Variants in CTU2 observed in about 807,000 individuals in gnomAD.
CTU2 encodes cytosolic thiouridylase subunit 2.
Under a neutral mutation model 64.1 loss-of-function variants are expected in CTU2, and 80 were observed. The observed-to-expected ratio is 1.25, with a 90% CI of 1.04 to 1.50. The LOEUF (loss-of-function observed/expected upper bound fraction) is 1.50, where lower values mean the gene tolerates loss of function less well. CTU2 is among the 40% of genes most tolerant of loss of function. CTU2 has a pLI of 0.00. For synonymous variants in CTU2, 482 were observed against 285.3 expected (o/e 1.69, Z -6.95); for missense variants, 1,110 against 690.2 (o/e 1.61, Z -6.81).
intron 5 of CTU2, 112 bp downstream of exon 5, chr16:88,711,807 T>C (rs1431338204): frequency 7.8e-6 from 8 of 1,022,318 alleles, no homozygotes; most frequent in Non-Finnish European, 1.0e-5. Context: ...TGGTAGGATG[T>C]GTTGAGCTAC....
chr16:88,714,486 G>C lies in CTU2; in HGVS notation c.1201G>C (p.Asp401His). The change falls in exon 11 of 15, where the codon GAC (aspartate) becomes CAC (histidine). Residue 401 changes from aspartate to histidine, a missense_variant and splice_region_variant. By Grantham distance (81) the Asp-to-His change is moderately conservative (BLOSUM62 -1). Transcript: ENST00000453996. ...CMCALDVDAA[D>H]SATAFGAQTS... ...GTGTGCCCTGGACGTCGACGCCGCTGGTCTGTGTTTCATGCTCTTGGGGTG... is the reference window on the plus strand; with the variant it reads ...GTGTGCCCTGGACGTCGACGCCGCTCGTCTGTGTTTCATGCTCTTGGGGTG... The C allele has an allele frequency of 6.2e-7, 1 of 1,612,664 alleles. No homozygotes were observed.
In CTU2 at chr16:88,710,397, C is replaced by T. The variant is rs149072520; in HGVS notation, c.282+115C>T. 9,641 of 1,048,388 alleles carry T rather than the reference C, an allele frequency of 9.2e-3. 81 individuals carry two copies. Among genetic ancestry groups the T allele is most frequent in the African/African-American group, 0.031 (1,981 of 63,170 alleles). 64.9% of individuals were successfully genotyped at this position (1,048,388 alleles called of 1,614,324 possible). A position where few individuals can be genotyped will look rare whatever the true frequency, so the allele number is the denominator to read the frequency against. On this transcript the variant is annotated intron_variant, in intron 4 of 14. Transcript: ENST00000453996. ...TGGGGCTAGAGAGCAGTCCACCCTG[C>T]GGCCTGGACACTTGGGGGGTTCTCA...
At chr16:88,707,111 C>G (rs766233114) in intron 1 of CTU2, 25 bp from the exon 2 acceptor site, 1 of 1,610,938 alleles carries the variant, frequency 6.2e-7, no homozygotes, top group South Asian at 1.1e-5. Flanking sequence ...GTGTTTCTCT[C>G]TTCTCCCCCC....
At chr16:88,710,129 T>G (rs2142713005) in intron 3 of CTU2, 94 bp from the exon 4 acceptor site, 1 of 1,582,850 alleles carries the variant, frequency 6.3e-7, no homozygotes, top group Non-Finnish European at 8.7e-7. Context: ...TCCTTGGCCT[T>G]TGAGGACAGA....
chr16:88,714,454 TCTGCATGTGTGCCCTGGACGTCGACGCCG>T lies in CTU2; in HGVS notation c.1173_1201del (p.Cys391Ter), dbSNP rs1911706879. On this transcript the variant is annotated frameshift_variant, in exon 11 of 15. Transcript: ENST00000453996. LOFTEE classifies it high-confidence loss of function. ...GGCGACTCCGGCCCCCGCTGCCTCCTCTGCATGTGTGCCCTGGACGTCGACGCCGCTGGTCTGTGTTTCATGCTCTTGGG... is the reference window on the plus strand; with the variant it reads ...GGCGACTCCGGCCCCCGCTGCCTCCTCTGGTCTGTGTTTCATGCTCTTGGG... 6.2e-7 allele frequency: 1 copy of T among 1,612,464 alleles called. No homozygotes were observed. The highest frequency in any genetic ancestry group is 1.3e-5 in the African/African-American group (1 of 74,906).
chr16:88,711,766 T>C (rs1196194791), intron 5 of CTU2, 71 bp downstream of exon 5: 6 of 1,421,020 alleles, frequency 4.2e-6, no homozygotes, highest in African/African-American at 1.4e-5. Context: ...CCCTCTGGTG[T>C]GGACCCTCCC....
intron 2 of CTU2, chr16:88,709,600 C>T (rs1433021911): frequency 1.3e-5 from 4 of 316,936 alleles, no homozygotes; most frequent in East Asian, 7.0e-5. Flanking sequence ...TTGCCCTGTA[C>T]GTGCCTAAGT....
In CTU2 at chr16:88,715,345, G is replaced by T; in HGVS notation, c.*94G>T. ...AAGGACGGGGGACTGGCCTCTGATTGTCCATTTGTATAAATAAAACATTTT... is the reference window on the plus strand; with the variant it reads ...AAGGACGGGGGACTGGCCTCTGATTTTCCATTTGTATAAATAAAACATTTT... On this transcript the variant is annotated 3_prime_UTR_variant, in exon 15 of 15. Coordinates refer to ENST00000453996, the MANE Select transcript of CTU2 (RefSeq NM_001012759.3). The T allele has an allele frequency of 1.5e-6, 2 of 1,308,524 alleles. No homozygotes were observed. Among genetic ancestry groups the T allele is most frequent in the Non-Finnish European group, 2.1e-6 (2 of 954,084 alleles). 81.1% of individuals were successfully genotyped at this position (1,308,524 alleles called of 1,614,324 possible). A position where few individuals can be genotyped will look rare whatever the true frequency, so the allele number is the denominator to read the frequency against.
intron 1 of CTU2, 104 bp downstream of exon 1, chr16:88,706,702 G>C: frequency 1.2e-6 from 1 of 836,202 alleles, no homozygotes; most frequent in South Asian, 2.5e-5. Context: ...CCCGCGTGGA[G>C]AGCGGGACCT....
At chr16:88,711,307 G>A (rs1339755826) in intron 4 of CTU2, among the ~76,000 whole-genome samples, 2 of 152,130 alleles carry the variant, frequency 1.3e-5, no homozygotes, top group African/African-American at 4.8e-5. Flanking sequence ...GGTCAGAAGC[G>A]TGTGGGATGG....
chr16:88,713,851 C>G (rs991258216), intron 9 of CTU2, 73 bp downstream of exon 9: 159 of 1,586,418 alleles, frequency 1.0e-4, no homozygotes, highest in Non-Finnish European at 1.4e-4. Context: ...GGCAGCCTCT[C>G]ACAGGCTCAG....
chr16:88,710,330 G>C, intron 4 of CTU2, 48 bp downstream of exon 4: 1 of 1,600,756 alleles, frequency 6.2e-7, no homozygotes, highest in Non-Finnish European at 8.6e-7. Context: ...CTGAGCTTCA[G>C]GCTGGGGGCC....
intron 13 of CTU2, 29 bp from the exon 14 acceptor site, chr16:88,715,019 T>C: frequency 6.3e-7 from 1 of 1,581,952 alleles, no homozygotes; most frequent in Non-Finnish European, 8.6e-7. Context: ...GCAGGTTTCT[T>C]GGCCCCTCGA....
chr16:88,707,043 G>C (rs1305736637), intron 1 of CTU2, 93 bp from the exon 2 acceptor site: 1 of 1,297,364 alleles, frequency 7.7e-7, no homozygotes, highest in Middle Eastern at 1.8e-4. Context: ...ACCCAACTCA[G>C]GGTGAGAAAC....
chr16:88,710,504 A>C (rs1452548242), intron 4 of CTU2: 1 of 562,086 alleles, frequency 1.8e-6, no homozygotes, highest in Non-Finnish European at 3.2e-6. Flanking sequence ...TGTTTACAGC[A>C]GGTGCACAAA....
chr16:88,713,446 C>T lies in CTU2; in HGVS notation c.872C>T (p.Thr291Met), dbSNP rs138600785. 2.3e-5 allele frequency: 36 copies of T among 1,576,284 alleles called. No homozygotes were observed. The highest frequency in any genetic ancestry group is 1.0e-4 in the Admixed American group (5 of 48,908). Residue 291 changes from threonine to methionine, a missense_variant and splice_region_variant, in exon 8 of 15, where the codon ACG becomes ATG. Coordinates refer to ENST00000453996, the MANE Select transcript of CTU2 (RefSeq NM_001012759.3). ...CGAGGGGCCTTCCTGGCCTGGGATA[C>T]GGTAGGCAGGGGCCTGGGTGTTCAG... ...LGRGAFLAWD[T>M]GFSDERHGDV...
At position 88,714,722 on chromosome 16, in the gene CTU2, A is replaced by T; in HGVS notation, c.1337A>T (p.Gln446Leu). The T allele has an allele frequency of 6.2e-7, 1 of 1,608,042 alleles. No homozygotes were observed. The highest frequency in any genetic ancestry group is 8.5e-7 in the Non-Finnish European group (1 of 1,177,304). ...GTGGGCTGGGCCCAGCGCTGTGGCC[A>T]GGGGGCCTGCAGGAGGTGAGTCCCT... ...PGVGWAQRCG[Q>L]GACRREDPQA... Residue 446 changes from glutamine to leucine, a missense_variant, in exon 12 of 15, where the codon CAG becomes CTG. Coordinates refer to ENST00000453996, the MANE Select transcript of CTU2 (RefSeq NM_001012759.3).
At chr16:88,706,674 G>A (rs1483258405) in intron 1 of CTU2, 76 bp downstream of exon 1, 1 of 1,143,380 alleles carries the variant, frequency 8.7e-7, no homozygotes, top group Non-Finnish European at 1.1e-6. Flanking sequence ...GGTCCCGGCC[G>A]GGCTTGCTCC....
chr16:88,714,001 C>T, intron 9 of CTU2, 135 bp from the exon 10 acceptor site: 1 of 1,066,694 alleles, frequency 9.4e-7, no homozygotes, highest in Middle Eastern at 2.3e-4. Flanking sequence ...TCTCTGGCTG[C>T]CTTGAGCAGT....
Sources: allele counts gnomAD v4.1 joint callset (sites outside exome capture counted in the v4.1 genomes callset), GRCh38; gene constraint gnomAD v4.1.1; transcripts MANE v1.5; gene names NCBI Gene and HGNC (gene_info 2026-07-23, HGNC 2026-07-21).